The following STS variants were observed in gnomAD, a reference collection of about 807,000 sequenced individuals.
STS encodes steryl-sulfatase.
STS carries 7 observed loss-of-function variants against 26.8 expected under a neutral mutation model. The ratio of observed to expected loss-of-function variants is 0.26; its 90% CI spans 0.15 to 0.49. The LOEUF (loss-of-function observed/expected upper bound fraction) is 0.49, where lower values mean the gene tolerates loss of function less well. Ranked by LOEUF, STS falls within the 20% of genes least tolerant of loss-of-function variation. The pLI, the probability that STS is intolerant of heterozygous loss-of-function variation, is 0.98. For synonymous variants in STS, 199 were observed against 189.4 expected (o/e 1.05, Z -0.42); for missense variants, 434 against 465.6 (o/e 0.93, Z 0.63).
intron 1 of STS, among the ~76,000 whole-genome samples, chrX:7,181,229 A>G (rs1246178094): frequency 1.8e-5 from 2 of 112,704 alleles, no homozygotes; most frequent in African/African-American, 3.2e-5. Context: ...ATACTCGTGT[A>G]ACAAACCTGT....
At chrX:7,320,420 T>C (rs1926972383) in intron 8 of STS, among the ~76,000 whole-genome samples, 1 of 110,666 alleles carries the variant, frequency 9.0e-6, no homozygotes, top group South Asian at 3.7e-4. Flanking sequence ...GAGGGTGCTT[T>C]TTCCTGATTT....
intron 8 of STS, among the ~76,000 whole-genome samples, chrX:7,324,946 C>G (rs1366352868): frequency 9.0e-6 from 1 of 111,463 alleles, no homozygotes; most frequent in Non-Finnish European, 1.9e-5. Context: ...CTCCAGGCTC[C>G]AGGAATTTGG....
At chrX:7,281,752 A>G (rs1368422325) in intron 7 of STS, among the ~76,000 whole-genome samples, 1 of 112,296 alleles carries the variant, frequency 8.9e-6, no homozygotes, top group South Asian at 3.7e-4. Context: ...AATTTTAAGT[A>G]GGGCCTGGAT....
intron 8 of STS, among the ~76,000 whole-genome samples, chrX:7,324,996 G>A (rs1031543741): frequency 4.5e-4 from 50 of 111,013 alleles, no homozygotes; most frequent in Non-Finnish European, 4.3e-4. Context: ...GCCTGCCACA[G>A]CTGGTGTAAA....
intron 7 of STS, among the ~76,000 whole-genome samples, chrX:7,302,563 A>G (rs1304106520): frequency 9.0e-6 from 1 of 111,659 alleles, no homozygotes; most frequent in Non-Finnish European, 1.9e-5. Flanking sequence ...GGGTTCTGGG[A>G]ATGTTTATCA....
chrX:7,304,713 T>C (rs980892243), intron 7 of STS, among the ~76,000 whole-genome samples: 5 of 112,089 alleles, frequency 4.5e-5, no homozygotes, highest in Admixed American at 3.8e-4. Flanking sequence ...TTTCAGCTTC[T>C]TTCTTCTGGC....
chrX:7,305,428 C>A (rs142004598), intron 8 of STS, among the ~76,000 whole-genome samples: 2 of 112,296 alleles, frequency 1.8e-5, no homozygotes, highest in Admixed American at 1.9e-4. Context: ...TAAATGCAGC[C>A]TCATATAATG....
chrX:7,187,497 C>G (rs1218252219), intron 1 of STS, among the ~76,000 whole-genome samples: 2 of 112,182 alleles, frequency 1.8e-5, no homozygotes, highest in East Asian at 2.8e-4. Flanking sequence ...AACCTTTCCA[C>G]TTTGTATACT....
intron 2 of STS, among the ~76,000 whole-genome samples, chrX:7,196,541 G>A (rs1218664618): frequency 9.0e-6 from 1 of 110,993 alleles, no homozygotes; most frequent in African/African-American, 3.3e-5. Flanking sequence ...ATGCATATGT[G>A]TGTATACACC....
At chrX:7,152,302 G>C (rs1215329836) in intron 1 of STS, among the ~76,000 whole-genome samples, 1 of 111,723 alleles carries the variant, frequency 9.0e-6, no homozygotes, top group African/African-American at 3.3e-5. Flanking sequence ...AGTTTACCAA[G>C]ATTTATTTTT....
intron 6 of STS, 150 bp from the exon 7 acceptor site, chrX:7,275,801 A>G (rs1329264649): frequency 2.3e-5 from 15 of 648,763 alleles, no homozygotes; most frequent in Non-Finnish European, 3.4e-5. Flanking sequence ...CTGACAGAAG[A>G]TACCATATTA....
At chrX:7,292,188 A>G (rs1161352117) in intron 7 of STS, among the ~76,000 whole-genome samples, 1 of 112,963 alleles carries the variant, frequency 8.9e-6, no homozygotes, top group African/African-American at 3.2e-5. Flanking sequence ...TTATTTGGAA[A>G]CAGAGAGAAT....
intron 7 of STS, among the ~76,000 whole-genome samples, chrX:7,277,434 C>T (rs778760591): frequency 2.7e-5 from 3 of 111,737 alleles, no homozygotes; most frequent in African/African-American, 3.2e-5. Context: ...TGGTCACCTA[C>T]TGTGGTGATT....
chrX:7,182,839 G>A (rs1291697694), intron 1 of STS, among the ~76,000 whole-genome samples: 1 of 110,370 alleles, frequency 9.1e-6, no homozygotes, highest in African/African-American at 3.3e-5. Flanking sequence ...TGCTTGCAAT[G>A]AGCTGAATAG....
intron 7 of STS, among the ~76,000 whole-genome samples, chrX:7,286,172 C>T (rs1220193995): frequency 9.0e-6 from 1 of 111,589 alleles, no homozygotes; most frequent in Non-Finnish European, 1.9e-5. Flanking sequence ...TGATATTTTA[C>T]ATTAAATTTA....
intron 1 of STS, among the ~76,000 whole-genome samples, chrX:7,165,586 C>A (rs1419416367): frequency 9.0e-6 from 1 of 111,379 alleles, no homozygotes; most frequent in Non-Finnish European, 1.9e-5. Flanking sequence ...TTTGAGGTTG[C>A]CATGAGCTGT....
At chrX:7,166,200 G>A (rs1933348311) in intron 1 of STS, among the ~76,000 whole-genome samples, 1 of 110,500 alleles carries the variant, frequency 9.0e-6, no homozygotes, top group Admixed American at 9.7e-5. Flanking sequence ...TAGAATCGGG[G>A]TCTCATCACG....
chrX:7,313,596 C>A (rs1926579402), intron 8 of STS, among the ~76,000 whole-genome samples: 1 of 112,235 alleles, frequency 8.9e-6, no homozygotes, highest in African/African-American at 3.2e-5. Flanking sequence ...TATCCACAGC[C>A]TTTTAACCTT....
At chrX:7,349,623 A>G (rs1366385541) in intron 10 of STS, among the ~76,000 whole-genome samples, 1 of 110,442 alleles carries the variant, frequency 9.1e-6, no homozygotes, top group African/African-American at 3.3e-5. Context: ...TTGATTCGAC[A>G]TTTTTTGGAC....
Sources: gnomAD v4.1 joint callset for allele counts (sites outside exome capture counted in the v4.1 genomes callset) on GRCh38, gnomAD v4.1.1 for gene constraint, MANE v1.5 for transcripts, NCBI Gene and HGNC (gene_info 2026-07-23, HGNC 2026-07-21) for gene names.